The following SHISA9 variants were observed in gnomAD, a reference collection of about 807,000 sequenced individuals.
The protein encoded by SHISA9 is protein shisa-9.
Under a neutral mutation model 38.0 loss-of-function variants are expected in SHISA9, and 13 were observed. That is an observed-to-expected ratio of 0.34 (90% CI 0.22 to 0.54). SHISA9 has a LOEUF of 0.54. Among genes scored for constraint, SHISA9 ranks in the 20% least tolerant of loss-of-function variants. The pLI is 0.91. For missense variants in SHISA9, 538 were observed against 575.8 expected (o/e 0.93, Z 0.67); for synonymous variants, 275 against 242.0 (o/e 1.14, Z -1.27).
At chr16:13,518,917 AG>A in the SHISA9 span, among the ~76,000 whole-genome samples, 1 of 152,134 alleles carries the variant, frequency 6.6e-6, no homozygotes, top group African/African-American at 2.4e-5. Flanking sequence ...AGAGGAAAAA[AG>A]GGGGTGAACT....
intron 2 of SHISA9, among the ~76,000 whole-genome samples, chr16:13,051,828 G>C (rs931038563): frequency 6.6e-6 from 1 of 151,484 alleles, no homozygotes; most frequent in African/African-American, 2.4e-5. Context: ...GCAGAGGCAC[G>C]ATCTCAGCTC....
the SHISA9 span, among the ~76,000 whole-genome samples, chr16:13,277,706 G>C: frequency 2.6e-5 from 4 of 151,408 alleles, no homozygotes; most frequent in Non-Finnish European, 5.9e-5. Context: ...TTGAGTTCTT[G>C]ATTTGATTCT....
chr16:13,318,008 T>TC, the SHISA9 span, among the ~76,000 whole-genome samples: 1 of 151,776 alleles, frequency 6.6e-6, no homozygotes, highest in African/African-American at 2.4e-5. Flanking sequence ...GTTTTTTTTT[T>TC]TTTGATCCAC....
At chr16:12,945,130 C>T (rs994168851) in intron 2 of SHISA9, among the ~76,000 whole-genome samples, 2 of 152,246 alleles carry the variant, frequency 1.3e-5, no homozygotes, top group South Asian at 4.1e-4. Context: ...TGGGTGAGAA[C>T]CACGTGTGTT....
At chr16:12,915,556 T>C (rs899097694) in intron 1 of SHISA9, among the ~76,000 whole-genome samples, 3 of 152,232 alleles carry the variant, frequency 2.0e-5, no homozygotes, top group African/African-American at 7.2e-5. Flanking sequence ...GTCTGCTGGT[T>C]TGCAATGATG....
At chr16:13,230,441 G>T (rs1412294944) in intron 4 of SHISA9, among the ~76,000 whole-genome samples, 1 of 152,190 alleles carries the variant, frequency 6.6e-6, no homozygotes, top group African/African-American at 2.4e-5. Flanking sequence ...GGACTTGTTG[G>T]TTTGACAGTT....
chr16:13,476,490 T>A, the SHISA9 span, among the ~76,000 whole-genome samples: 10 of 152,200 alleles, frequency 6.6e-5, no homozygotes, highest in African/African-American at 2.2e-4. Context: ...GGACCTAGAC[T>A]GAACCCCTGG....
intron 2 of SHISA9, among the ~76,000 whole-genome samples, chr16:13,199,478 C>G (rs906203391): frequency 1.7e-4 from 26 of 152,202 alleles, no homozygotes; most frequent in African/African-American, 6.0e-4. Context: ...GAAATCCAGA[C>G]AACAATTGCC....
chr16:13,098,332 C>T (rs765048870), intron 2 of SHISA9, among the ~76,000 whole-genome samples: 1 of 152,194 alleles, frequency 6.6e-6, no homozygotes, highest in Non-Finnish European at 1.5e-5. Context: ...GCCTTTATTG[C>T]ATCCATAAAT....
chr16:13,221,450 T>C (rs2051224876), intron 4 of SHISA9, among the ~76,000 whole-genome samples: 2 of 151,624 alleles, frequency 1.3e-5, no homozygotes, highest in Non-Finnish European at 2.9e-5. Context: ...TTTTTTTTTT[T>C]TTTTTTTAAC....
intron 2 of SHISA9, among the ~76,000 whole-genome samples, chr16:13,122,772 C>A (rs988467058): frequency 6.6e-6 from 1 of 152,164 alleles, no homozygotes; most frequent in Non-Finnish European, 1.5e-5. Context: ...AAGGGCTGGG[C>A]ATGGTGATTC....
At chr16:13,158,377 A>G (rs1596689590) in intron 2 of SHISA9, among the ~76,000 whole-genome samples, 1 of 152,352 alleles carries the variant, frequency 6.6e-6, no homozygotes, top group East Asian at 1.9e-4. Context: ...AGTTCATAGA[A>G]TTTCTGGATG....
At chr16:13,476,738 GTTTTT>G in the SHISA9 span, among the ~76,000 whole-genome samples, 29 of 65,216 alleles carry the variant, frequency 4.4e-4, no homozygotes, top group African/African-American at 4.9e-4. Flanking sequence ...CCTGTTTTGT[GTTTTT>G]TTTTTTTTTT....
At chr16:13,192,296 G>A (rs1206013734) in intron 2 of SHISA9, among the ~76,000 whole-genome samples, 1 of 152,082 alleles carries the variant, frequency 6.6e-6, no homozygotes, top group Non-Finnish European at 1.5e-5. Flanking sequence ...TTGGGTGATG[G>A]CTACACTAGG....
At chr16:13,472,486 G>C in the SHISA9 span, among the ~76,000 whole-genome samples, 2 of 137,412 alleles carry the variant, frequency 1.5e-5, no homozygotes, top group Admixed American at 8.3e-5. Context: ...CCGCCTCCCA[G>C]GTTCATGCCA....
chr16:13,196,109 A>T (rs1412353864), intron 2 of SHISA9, among the ~76,000 whole-genome samples: 2 of 140,258 alleles, frequency 1.4e-5, no homozygotes, highest in African/African-American at 5.4e-5. Context: ...AAAAAAAAAA[A>T]AAAAAAGGCC....
chr16:13,241,951 G>A (rs1302728102), downstream of SHISA9, among the ~76,000 whole-genome samples: 1 of 152,190 alleles, frequency 6.6e-6, no homozygotes, highest in Non-Finnish European at 1.5e-5. Context: ...TTACACCTCT[G>A]TGAGGAGAGC....
At chr16:13,394,928 G>GGGGTGTGT in the SHISA9 span, among the ~76,000 whole-genome samples, 6 of 139,402 alleles carry the variant, frequency 4.3e-5, no homozygotes, top group Middle Eastern at 3.4e-3. Flanking sequence ...CAGTATCTGG[G>GGGGTGTGT]GTGTGTGTGT....
intron 2 of SHISA9, among the ~76,000 whole-genome samples, chr16:13,055,928 G>A (rs2073304765): frequency 6.6e-6 from 1 of 152,224 alleles, no homozygotes; most frequent in African/African-American, 2.4e-5. Context: ...GATGCCCACA[G>A]GGAAGTTGCC....
Sources: gnomAD v4.1 joint callset for allele counts (sites outside exome capture counted in the v4.1 genomes callset) on GRCh38, gnomAD v4.1.1 for gene constraint, MANE v1.5 for transcripts, NCBI Gene and HGNC (gene_info 2026-07-23, HGNC 2026-07-21) for gene names.